LMNB2: variants seen among roughly 807,000 people sequenced by gnomAD.
The protein encoded by LMNB2 is lamin B2.
In LMNB2, 17 loss-of-function variants were observed where a neutral mutation model predicts 69.3. The observed-to-expected ratio is 0.25, with a 90% CI of 0.17 to 0.37. The LOEUF (loss-of-function observed/expected upper bound fraction) is 0.37, where lower values mean the gene tolerates loss of function less well. LMNB2 is among the 10% of genes least tolerant of loss of function. The pLI, the probability that LMNB2 is intolerant of heterozygous loss-of-function variation, is 1.00. For missense variants in LMNB2, 789 were observed against 883.6 expected (o/e 0.89, Z 1.36); for synonymous variants, 397 against 389.3 (o/e 1.02, Z -0.23).
At position 2,434,474 on chromosome 19, in the gene LMNB2, G is replaced by A; in HGVS notation, c.1023C>T (p.Ala341=). ...AEDRIRELEE[A]MAGERDKFRK... is the part of the protein sequence containing the mutation. ...GGAACTTGTCCCGCTCCCCGGCCAT[G>A]GCCTCCTCCAGCTCCCGAATGCGAT... Residue 341 remains alanine, a synonymous_variant, in exon 7 of 12, where the codon GCC becomes GCT. Transcript: ENST00000325327. 6.2e-7 allele frequency: 1 copy of A among 1,613,234 alleles called. No individual in the cohort carries two copies. The highest frequency in any genetic ancestry group is 8.5e-7 in the Non-Finnish European group (1 of 1,179,954).
rs927937743 is a variant in LMNB2 at position 2,443,192 on chromosome 19, C to T, written c.401+1212G>A. On this transcript the variant is annotated intron_variant, in intron 2 of 11. Transcript: ENST00000325327. This position sits in a 1 kb window ranked among gnomAD's most constrained non-coding sequence, Gnocchi z 6.2. The stretch of plus-strand genomic sequence containing the variant: ...GTGCCTGGCCCCAGGGTCCCCGGCT[C>T]ATGGCCACCATCAGGGCACAAATGG... Among the ~76,000 whole-genome samples the T allele has an allele frequency of 2.0e-5, 3 of 152,144 alleles. No individual in the cohort carries two copies. The highest frequency in any genetic ancestry group is 7.2e-5 in the African/African-American group (3 of 41,432).
intron 2 of LMNB2, among the ~76,000 whole-genome samples, chr19:2,440,868 T>C (rs1411391584): frequency 6.6e-6 from 1 of 152,190 alleles, no homozygotes; most frequent in East Asian, 1.9e-4. Flanking sequence ...CCTCTCTCTC[T>C]CACTAGCTGC....
At position 2,428,935 on chromosome 19, in the gene LMNB2, G is replaced by C. The variant is rs1346404214; in HGVS notation, c.*1976C>G. On this transcript the variant is annotated 3_prime_UTR_variant, in exon 12 of 12. Coordinates refer to ENST00000325327, the MANE Select transcript of LMNB2 (RefSeq NM_032737.4). ...CCAGCTCCACCCAAGGCAAATGTAG[G>C]GTGGGGGGTTCTGTGGGCCTGGGGC... The C allele has an allele frequency of 2.0e-5, 3 of 152,184 alleles. No homozygotes were observed. Among genetic ancestry groups the C allele is most frequent in the Non-Finnish European group, 4.4e-5 (3 of 68,064 alleles). The allele number at this position is 152,184 out of a possible 1,614,324, so 9.4% of individuals were successfully genotyped here.
In LMNB2 at chr19:2,431,905, G is replaced by A. The variant is rs1971745856; in HGVS notation, c.1591-3C>T. On this transcript the variant is annotated splice_polypyrimidine_tract_variant and splice_region_variant and intron_variant, in intron 9 of 11. Transcript: ENST00000325327. ...ACCCCCGCACCAGCTGCCCACACCT[G>A]AGGACCCAATAACAATGGCCCCATC... 2 of 1,609,916 alleles carry A rather than the reference G, an allele frequency of 1.2e-6. No homozygotes were observed. The highest frequency in any genetic ancestry group is 2.2e-5 in the East Asian group (1 of 44,874).
At position 2,433,585 on chromosome 19, in the gene LMNB2, G is replaced by A. The variant is rs71339105; in HGVS notation, c.1482+241C>T. Among the ~76,000 whole-genome samples the A allele has an allele frequency of 7.0e-3, 397 of 56,856 alleles. 4 individuals carry two copies. The highest frequency in any genetic ancestry group is 0.014 in the Middle Eastern group (1 of 72). 37.3% of individuals were successfully genotyped at this position (56,856 alleles called of 152,430 possible). A position where few individuals can be genotyped will look rare whatever the true frequency, so the allele number is the denominator to read the frequency against. ...TCACCCCCATCAGCTGGGTCACCCC[G>A]TTACCCCCATGCCCCGGTCATTCCG... On this transcript the variant is annotated intron_variant, in intron 8 of 11. Transcript: ENST00000325327.
chr19:2,437,972 G>A (rs971999946), intron 4 of LMNB2, among the ~76,000 whole-genome samples, 191 bp downstream of exon 4: 5 of 152,264 alleles, frequency 3.3e-5, no homozygotes, highest in Middle Eastern at 3.4e-3. Flanking sequence ...AGGCAGCCGC[G>A]GGAAGACAGA....
chr19:2,434,878 G>C lies in LMNB2; in HGVS notation c.891C>G (p.Asp297Glu), dbSNP rs768380280. The C allele has an allele frequency of 3.7e-6, 6 of 1,606,904 alleles. No individual in the cohort carries two copies. In the Admixed American group the frequency reaches 5.0e-5, roughly 13 times the overall value. The change falls in exon 6 of 12, where the codon GAC (aspartate) becomes GAG (glutamate). Residue 297 changes from aspartate to glutamate, a missense_variant. By Grantham distance (45) the Asp-to-Glu change is conservative. Coordinates refer to ENST00000325327, the MANE Select transcript of LMNB2 (RefSeq NM_032737.4). ...DSAKLSSDQN[D>E]KAASAAREEL... ...CCTCGCGAGCCGCACTGGCCGCCTT[G>C]TCGTTCTGGTCAGAGCTCAGCTTGG...
At chr19:2,436,747 A>G (rs1186085853) in intron 4 of LMNB2, 2 of 127,414 alleles carry the variant, frequency 1.6e-5, no homozygotes, top group African/African-American at 3.3e-5. Flanking sequence ...CCGCGCACCC[A>G]CCTCCACGGC....
Position 2,443,067 on chromosome 19 carries a change from G to A in LMNB2, c.401+1337C>T, listed in dbSNP as rs923661898. 5.9e-5 allele frequency among the ~76,000 whole-genome samples: 9 copies of A among 152,300 alleles called. No individual in the cohort carries two copies. The highest frequency in any genetic ancestry group is 3.4e-3 in the Middle Eastern group (1 of 294). On this transcript the variant is annotated intron_variant, in intron 2 of 11. Coordinates refer to ENST00000325327, the MANE Select transcript of LMNB2 (RefSeq NM_032737.4). The surrounding 1 kb of genome is among the most constrained non-coding windows in gnomAD (Gnocchi z 6.2). ...ATGAACCTGCTTATTAAACACGGTGGGTGCTGGAGGTAGACAGCACAGAGC... is the reference window on the plus strand; with the variant it reads ...ATGAACCTGCTTATTAAACACGGTGAGTGCTGGAGGTAGACAGCACAGAGC...
chr19:2,441,469 G>A (rs1433745039), intron 2 of LMNB2, among the ~76,000 whole-genome samples: 3 of 152,248 alleles, frequency 2.0e-5, no homozygotes, highest in Non-Finnish European at 1.5e-5. Flanking sequence ...AGGGTCTGGG[G>A]TGCAGATCCC....
In LMNB2 at chr19:2,453,534, G is replaced by A. The variant is rs1052380237; in HGVS notation, c.264+3136C>T. 1.1e-4 allele frequency among the ~76,000 whole-genome samples: 17 copies of A among 152,010 alleles called. No homozygotes were observed. The highest frequency in any genetic ancestry group is 7.9e-4 in the Admixed American group (12 of 15,252). On this transcript the variant is annotated intron_variant, in intron 1 of 11. Coordinates refer to ENST00000325327, the MANE Select transcript of LMNB2 (RefSeq NM_032737.4). The surrounding 1 kb of genome is among the most constrained non-coding windows in gnomAD (Gnocchi z 4.4). The stretch of plus-strand genomic sequence containing the variant: ...GGTTCCTGGCCCACTAGTCGCAGGC[G>A]GAACTCCCAGCTGTCCCCTGCCACA...
In LMNB2 at chr19:2,432,479, C is replaced by T. The variant is rs1318578743; in HGVS notation, c.1527G>A (p.Glu509=). 4 of 1,613,950 alleles carry T rather than the reference C, an allele frequency of 2.5e-6. No homozygotes were observed. Among genetic ancestry groups the T allele is most frequent in the Non-Finnish European group, 3.4e-6 (4 of 1,179,946 alleles). Residue 509 remains glutamate, a synonymous_variant, in exon 9 of 12, where the codon GAG becomes GAA. Coordinates refer to ENST00000325327, the MANE Select transcript of LMNB2 (RefSeq NM_032737.4). ...GNWRIKRQVL[E]GEEIAYKFTP... ...TGAACTTGTAGGCGATCTCCTCCCC[C>T]TCCAAGACCTGCCTCTTGATTCTCC...
chr19:2,431,445 G>A, intron 11 of LMNB2, 103 bp downstream of exon 11: 22 of 1,466,252 alleles, frequency 1.5e-5, no homozygotes, highest in Non-Finnish European at 2.0e-5. Flanking sequence ...GCCAGATGGA[G>A]CTCCCGTCGG....
chr19:2,449,649 C>T (rs1039103584), intron 1 of LMNB2, among the ~76,000 whole-genome samples: 24 of 151,654 alleles, frequency 1.6e-4, no homozygotes, highest in African/African-American at 3.6e-4. Context: ...TGGTGGTAGG[C>T]GCCTGTAATC....
chr19:2,453,533 CG>C lies in LMNB2; in HGVS notation c.264+3136del, dbSNP rs777782218. On this transcript the variant is annotated intron_variant, in intron 1 of 11. Transcript: ENST00000325327. The surrounding 1 kb of genome is among the most constrained non-coding windows in gnomAD (Gnocchi z 4.4). ...GGGTTCCTGGCCCACTAGTCGCAGG[CG>C]GAACTCCCAGCTGTCCCCTGCCACA... Among the ~76,000 whole-genome samples, 1 of 152,094 alleles carries C rather than the reference CG, an allele frequency of 6.6e-6. No individual in the cohort carries two copies. Among genetic ancestry groups the C allele is most frequent in the Non-Finnish European group, 1.5e-5 (1 of 68,014 alleles).
chr19:2,435,893 G>A (rs1157567281), intron 4 of LMNB2, among the ~76,000 whole-genome samples: 1 of 152,192 alleles, frequency 6.6e-6, no homozygotes, highest in African/African-American at 2.4e-5. Context: ...GCTCATGCCT[G>A]TAATCCCAGC....
intron 4 of LMNB2, 26 bp downstream of exon 4, chr19:2,438,137 G>C: frequency 6.2e-7 from 1 of 1,613,090 alleles, no homozygotes; most frequent in South Asian, 1.1e-5. Flanking sequence ...CGCTGTGCCA[G>C]GCTGGAGGCC....
chr19:2,432,446 C>T lies in LMNB2; in HGVS notation c.1560G>A (p.Lys520=). 1 of 1,613,458 alleles carries T rather than the reference C, an allele frequency of 6.2e-7. No homozygotes were observed. Among genetic ancestry groups the T allele is most frequent in the Admixed American group, 1.7e-5 (1 of 59,954 alleles). Reference sequence around the variant, plus strand: ...CCATCTGGCCGGCGCGCAGGATGTACTTGGGCGTGAACTTGTAGGCGATCT... The same window carrying T: ...CCATCTGGCCGGCGCGCAGGATGTATTTGGGCGTGAACTTGTAGGCGATCT... The part of the protein sequence containing the change: ...GEEIAYKFTP[K]YILRAGQMVT... The change falls in exon 9 of 12, where the codon AAG becomes AAA. Residue 520 remains lysine (K), a synonymous_variant. Coordinates refer to ENST00000325327, the MANE Select transcript of LMNB2 (RefSeq NM_032737.4).
At chr19:2,432,332 C>CCCCCAAGT in intron 9 of LMNB2, 84 bp downstream of exon 9, 1 of 892,154 alleles carries the variant, frequency 1.1e-6, no homozygotes, top group Non-Finnish European at 1.8e-6. Context: ...CCACCCACCC[C>CCCCCAAGT]CGCCAAGTCC....
Sources: allele counts gnomAD v4.1 joint callset (sites outside exome capture counted in the v4.1 genomes callset), GRCh38; gene constraint gnomAD v4.1.1; non-coding constraint Gnocchi (gnomAD v3.1); transcripts MANE v1.5; gene names NCBI Gene and HGNC (gene_info 2026-07-23, HGNC 2026-07-21).